The following FHIT variants were observed in gnomAD, a reference collection of about 807,000 sequenced individuals.
FHIT encodes the protein bis(5'-adenosyl)-triphosphatase.
In FHIT, 19 loss-of-function variants were observed where a neutral mutation model predicts 17.9. The ratio of observed to expected loss-of-function variants is 1.06; its 90% CI spans 0.74 to 1.56. The LOEUF (loss-of-function observed/expected upper bound fraction) is 1.56. FHIT is among the 40% of genes most tolerant of loss of function. The pLI is 0.00. For synonymous variants in FHIT, 81 were observed against 69.7 expected, an observed-to-expected ratio of 1.16 and a Z score of -0.81; for missense variants, 248 against 189.2, an observed-to-expected ratio of 1.31 and a Z score of -1.82.
At chr3:59,876,153 G>T (rs1341865010) in intron 8 of FHIT, among the ~76,000 whole-genome samples, 2 of 151,598 alleles carry the variant, frequency 1.3e-5, no homozygotes, top group Admixed American at 6.6e-5. Context: ...TCTTGAAAAT[G>T]GTTAAAATAG....
intron 2 of FHIT, among the ~76,000 whole-genome samples, chr3:61,079,202 A>G (rs867707722): frequency 1.3e-5 from 2 of 152,198 alleles, no homozygotes; most frequent in South Asian, 2.1e-4. Context: ...TGAGATTTCA[A>G]TTGAGGCTGA....
chr3:61,122,441 A>G (rs970345711), intron 2 of FHIT, among the ~76,000 whole-genome samples: 1 of 152,200 alleles, frequency 6.6e-6, no homozygotes, highest in Non-Finnish European at 1.5e-5. Flanking sequence ...GGACATAAAC[A>G]TGGGCAAAGA....
At chr3:61,002,676 T>C (rs1361012910) in intron 3 of FHIT, among the ~76,000 whole-genome samples, 3 of 152,090 alleles carry the variant, frequency 2.0e-5, no homozygotes, top group African/African-American at 7.2e-5. Flanking sequence ...AAAATTAAAG[T>C]TTGTTTCTTT....
intron 3 of FHIT, among the ~76,000 whole-genome samples, chr3:60,827,960 T>A (rs1441980523): frequency 6.6e-6 from 1 of 152,222 alleles, no homozygotes. Context: ...GATTGTGGAC[T>A]TGAGAATGCT....
intron 5 of FHIT, among the ~76,000 whole-genome samples, chr3:60,217,797 A>G (rs1466663408): frequency 6.6e-6 from 1 of 152,150 alleles, no homozygotes. Context: ...CCTCCTGCCC[A>G]TGGTTCAGAT....
chr3:60,036,573 CAA>C (rs1701226430), intron 5 of FHIT, among the ~76,000 whole-genome samples: 1 of 152,028 alleles, frequency 6.6e-6, no homozygotes, highest in Non-Finnish European at 1.5e-5. Flanking sequence ...ATACTTAAAA[CAA>C]TATTAAAATG....
At chr3:60,308,594 G>C (rs1043808620) in intron 5 of FHIT, among the ~76,000 whole-genome samples, 1 of 151,284 alleles carries the variant, frequency 6.6e-6, no homozygotes, top group Non-Finnish European at 1.5e-5. Flanking sequence ...CAATTAGTGA[G>C]CTGAACAAAA....
intron 2 of FHIT, among the ~76,000 whole-genome samples, chr3:61,125,756 G>C (rs967912981): frequency 1.3e-5 from 2 of 152,192 alleles, no homozygotes; most frequent in Non-Finnish European, 2.9e-5. Context: ...TGATGGAGCA[G>C]TTAGAATTTT....
At chr3:61,018,577 G>GA (rs1278733424) in intron 3 of FHIT, among the ~76,000 whole-genome samples, 1 of 152,174 alleles carries the variant, frequency 6.6e-6, no homozygotes, top group Admixed American at 6.5e-5. Flanking sequence ...GTAACAGCCT[G>GA]TGCAGAACAT....
chr3:60,955,607 T>TATATATATATATATATATATAC (rs1709086662), intron 3 of FHIT, among the ~76,000 whole-genome samples: 1 of 11,546 alleles, frequency 8.7e-5, no homozygotes, highest in African/African-American at 2.3e-4. Context: ...CATATATATA[T>TATATATATATATATATATATAC]ATATATATAT....
intron 5 of FHIT, among the ~76,000 whole-genome samples, chr3:60,014,377 A>G (rs1700260706): frequency 6.6e-6 from 1 of 152,242 alleles, no homozygotes; most frequent in Non-Finnish European, 1.5e-5. Context: ...ATGCAGAAGA[A>G]TTTCTTGCAA....
intron 4 of FHIT, among the ~76,000 whole-genome samples, chr3:60,613,835 GT>G (rs1302622592): frequency 6.6e-6 from 1 of 152,088 alleles, no homozygotes; most frequent in Non-Finnish European, 1.5e-5. Context: ...GAGGGACAAA[GT>G]GGGGCTTGAG....
chr3:59,857,708 T>TTTTTTTTG (rs1553697972), intron 8 of FHIT, among the ~76,000 whole-genome samples: 3 of 145,222 alleles, frequency 2.1e-5, no homozygotes, highest in Non-Finnish European at 4.5e-5. Context: ...GTGCTGGGTT[T>TTTTTTTTG]TTTTTTTTTT....
At chr3:60,167,342 T>C (rs1274223470) in intron 5 of FHIT, among the ~76,000 whole-genome samples, 1 of 152,222 alleles carries the variant, frequency 6.6e-6, no homozygotes, top group Non-Finnish European at 1.5e-5. Flanking sequence ...AACACACCTC[T>C]TATTCTAGTA....
chr3:60,066,991 G>T (rs1469616660), intron 5 of FHIT, among the ~76,000 whole-genome samples: 1 of 152,002 alleles, frequency 6.6e-6, no homozygotes, highest in African/African-American at 2.4e-5. Flanking sequence ...TTCATGTTTT[G>T]CTAGTCACTC....
At chr3:59,838,149 T>C (rs1701404953) in intron 8 of FHIT, among the ~76,000 whole-genome samples, 1 of 152,108 alleles carries the variant, frequency 6.6e-6, no homozygotes, top group South Asian at 2.1e-4. Context: ...CCTTCATAAC[T>C]AGCACAGGCC....
At chr3:60,405,890 AAT>A (rs1257604691) in intron 5 of FHIT, among the ~76,000 whole-genome samples, 2 of 152,148 alleles carry the variant, frequency 1.3e-5, no homozygotes, top group African/African-American at 2.4e-5. Flanking sequence ...AAAAATGACC[AAT>A]CTCCTTTCTA....
At position 61,173,442 on chromosome 3, in the gene FHIT, T is replaced by C. The variant is rs2038068707; in HGVS notation, c.-164+27175A>G. Among the ~76,000 whole-genome samples, 3 of 152,324 alleles carry C rather than the reference T, an allele frequency of 2.0e-5. No homozygotes were observed. The South Asian group carries it at 6.2e-4, about 32-fold the overall frequency. The stretch of plus-strand genomic sequence containing the variant: ...TGTGTGTGTGTTGTTTCTAAAGACC[T>C]GTGGTATTTATTATTGTTAGAATGC... On this transcript the variant is annotated intron_variant, in intron 2 of 9. Coordinates refer to ENST00000492590, the MANE Select transcript of FHIT (RefSeq NM_002012.4).
chr3:60,144,952 G>A (rs893668242), intron 5 of FHIT, among the ~76,000 whole-genome samples: 1 of 152,138 alleles, frequency 6.6e-6, no homozygotes, highest in Middle Eastern at 3.4e-3. Flanking sequence ...GTAAATAAAG[G>A]GCGTGTGATG....
Sources: allele counts gnomAD v4.1 joint callset (sites outside exome capture counted in the v4.1 genomes callset), GRCh38; gene constraint gnomAD v4.1.1; transcripts MANE v1.5; gene names NCBI Gene and HGNC (gene_info 2026-07-23, HGNC 2026-07-21).